The following CCDC181 variants were observed in gnomAD, a reference collection of about 807,000 sequenced individuals.
The protein encoded by CCDC181 is coiled-coil domain-containing protein 181.
Under a neutral mutation model 58.7 loss-of-function variants are expected in CCDC181, and 35 were observed. The observed-to-expected ratio is 0.60, with a 90% CI of 0.46 to 0.79. The LOEUF (loss-of-function observed/expected upper bound fraction) is 0.79, where lower values mean the gene tolerates loss of function less well. Among genes scored for constraint, CCDC181 ranks in the 30% least tolerant of loss-of-function variants. The pLI, the probability that CCDC181 is intolerant of heterozygous loss-of-function variation, is 0.00. For synonymous variants in CCDC181, 183 were observed against 197.5 expected (o/e 0.93, Z 0.62); for missense variants, 517 against 583.9 (o/e 0.89, Z 1.18).
At chr1:169,431,036 A>G (rs1345440964), upstream of CCDC181, among the ~76,000 whole-genome samples, 1 of 152,208 alleles carries the variant, frequency 6.6e-6, no homozygotes, top group African/African-American at 2.4e-5. Flanking sequence ...GGATTTGCCA[A>G]GGAAGTAGCC....
rs186925891 is a variant in CCDC181, at chr1:169,445,731, G to A, written c.-24+14066C>T. Among the ~76,000 whole-genome samples the A allele has an allele frequency of 2.2e-3, 340 of 152,162 alleles. 4 individuals are homozygous for A. The highest frequency in any genetic ancestry group is 2.9e-3 in the Non-Finnish European group (194 of 67,996). On this transcript the variant is annotated intron_variant, in intron 2 of 6. Transcript: ENST00000545005. ...GTATCATTTCTTGCTTAAATATTTG[G>A]TACATTTCACCAGTGAAACAATCTG...
intron 4 of CCDC181, among the ~76,000 whole-genome samples, chr1:169,405,142 G>A (rs1469463294): frequency 6.6e-6 from 1 of 152,130 alleles, no homozygotes; most frequent in East Asian, 1.9e-4. Flanking sequence ...ACAAACCACT[G>A]CTCAATGAAA....
At chr1:169,452,595 A>G (rs1266828221) in intron 2 of CCDC181, 2 of 152,092 alleles carry the variant, frequency 1.3e-5, no homozygotes, top group Non-Finnish European at 2.9e-5. Context: ...GAGGGGTCCT[A>G]ACAATGTATT....
Position 169,403,379 on chromosome 1 carries a change from A to G in CCDC181, c.1216-5988T>C, listed in dbSNP as rs531555867. 7.2e-5 allele frequency among the ~76,000 whole-genome samples: 11 copies of G among 152,362 alleles called. No individual in the cohort carries two copies. In the South Asian group the frequency reaches 2.3e-3, roughly 32 times the overall value. On this transcript the variant is annotated intron_variant, in intron 4 of 5. Coordinates refer to ENST00000367806, the MANE Select transcript of CCDC181 (RefSeq NM_001300969.2). Reference sequence around the variant, plus strand: ...TACATTCTTCTCAGCACCACATCACACTTATTCCAAAATTGACCACATAGG... The same window carrying G: ...TACATTCTTCTCAGCACCACATCACGCTTATTCCAAAATTGACCACATAGG...
chr1:169,413,701 G>A (rs532301778), intron 4 of CCDC181, among the ~76,000 whole-genome samples: 1 of 152,162 alleles, frequency 6.6e-6, no homozygotes, highest in Non-Finnish European at 1.5e-5. Context: ...AAAAAAGGAT[G>A]AGTTCATGTC....
At chr1:169,419,324 A>T (rs1656360327) in intron 3 of CCDC181, among the ~76,000 whole-genome samples, 165 bp from the exon 4 acceptor site, 1 of 152,192 alleles carries the variant, frequency 6.6e-6, no homozygotes, top group East Asian at 1.9e-4. Flanking sequence ...TCATGCCTGT[A>T]ATCCCAGCAC....
chr1:169,421,618 ATCT>A lies in CCDC181; in HGVS notation c.810_812del (p.Glu270del). The A allele has an allele frequency of 6.2e-7, 1 of 1,614,070 alleles. No homozygotes were observed. Among genetic ancestry groups the A allele is most frequent in the Non-Finnish European group, 8.5e-7 (1 of 1,179,994 alleles). ...TGACAGCATGAATCTTTGCTGTAGA[ATCT>A]TCTTTCTTGGTGCCACTGACAGAGG... is the stretch of plus-strand genomic sequence containing the variant. On this transcript the variant is annotated inframe_deletion, in exon 3 of 6. Transcript: ENST00000367806.
At chr1:169,442,668 G>A (rs1657264473) in intron 2 of CCDC181, 1 of 152,026 alleles carries the variant, frequency 6.6e-6, no homozygotes, top group Admixed American at 6.5e-5. Flanking sequence ...TTTGAAATGG[G>A]TACATTGACA....
intron 2 of CCDC181, among the ~76,000 whole-genome samples, chr1:169,439,579 T>C (rs964217729): frequency 1.3e-5 from 2 of 152,098 alleles, no homozygotes; most frequent in Admixed American, 1.3e-4. Flanking sequence ...GGACTCACAG[T>C]AGCATCTCGG....
At position 169,422,364 on chromosome 1, in the gene CCDC181, A is replaced by G. The variant is rs747131726; in HGVS notation, c.118-51T>C. The stretch of plus-strand genomic sequence containing the variant: ...AAATTGAGATTCTTCATTTATAAGT[A>G]GACATACAAAATGGGATTTTTCCTG... On this transcript the variant is annotated intron_variant, in intron 2 of 5. Coordinates refer to ENST00000367806, the MANE Select transcript of CCDC181 (RefSeq NM_001300969.2). 2.3e-6 allele frequency: 3 copies of G among 1,317,922 alleles called. No individual in the cohort carries two copies. The South Asian group carries it at 5.2e-5, about 23-fold the overall frequency. The allele number at this position is 1,317,922 out of a possible 1,614,324, so 81.6% of individuals were successfully genotyped here.
upstream of CCDC181, among the ~76,000 whole-genome samples, chr1:169,429,355 T>C (rs1656841619): frequency 6.6e-6 from 1 of 152,204 alleles, no homozygotes; most frequent in Non-Finnish European, 1.5e-5. Flanking sequence ...AGATCTACTT[T>C]TAGTTCTTTA....
At chr1:169,406,717 A>G (rs1392226630) in intron 4 of CCDC181, among the ~76,000 whole-genome samples, 1 of 152,106 alleles carries the variant, frequency 6.6e-6, no homozygotes, top group Non-Finnish European at 1.5e-5. Flanking sequence ...GCACACCAAC[A>G]TGGCACATGT....
intron 4 of CCDC181, among the ~76,000 whole-genome samples, chr1:169,400,527 TAA>T (rs1485250387): frequency 6.6e-6 from 1 of 152,116 alleles, no homozygotes; most frequent in Non-Finnish European, 1.5e-5. Flanking sequence ...AGATCGATCC[TAA>T]GATGACATAG....
At chr1:169,426,774 C>T (rs948901405) in intron 1 of CCDC181, among the ~76,000 whole-genome samples, 1 of 152,144 alleles carries the variant, frequency 6.6e-6, no homozygotes, top group Non-Finnish European at 1.5e-5. Flanking sequence ...CCATCTGGCC[C>T]ATTATTCCTG....
intron 4 of CCDC181, among the ~76,000 whole-genome samples, chr1:169,400,215 T>C (rs1012126350): frequency 5.3e-5 from 8 of 152,174 alleles, no homozygotes; most frequent in Admixed American, 1.3e-4. Flanking sequence ...GGCCATGCTT[T>C]GGAAATAAGG....
At chr1:169,457,503 C>T (rs1301437680) in intron 2 of CCDC181, among the ~76,000 whole-genome samples, 1 of 152,074 alleles carries the variant, frequency 6.6e-6, no homozygotes, top group Non-Finnish European at 1.5e-5. Flanking sequence ...AAATGATGTA[C>T]TGTATAATCA....
At chr1:169,458,190 T>G (rs200847669) in intron 2 of CCDC181, among the ~76,000 whole-genome samples, 1,445 of 56,256 alleles carry the variant, frequency 0.026, 40 homozygotes, top group African/African-American at 0.06. Context: ...TTTTTTTTTG[T>G]TTTGTTTTTT....
chr1:169,430,951 C>T (rs1221177099), upstream of CCDC181, among the ~76,000 whole-genome samples: 2 of 152,158 alleles, frequency 1.3e-5, no homozygotes, highest in East Asian at 1.9e-4. Flanking sequence ...AAGTTACACT[C>T]CTATGCAAAC....
chr1:169,409,534 A>G (rs1395099738), intron 4 of CCDC181, among the ~76,000 whole-genome samples: 2 of 152,250 alleles, frequency 1.3e-5, no homozygotes, highest in Non-Finnish European at 2.9e-5. Flanking sequence ...TAGGAAATAC[A>G]GAGAACACCA....
Sources: gnomAD v4.1 joint callset for allele counts (sites outside exome capture counted in the v4.1 genomes callset) on GRCh38, gnomAD v4.1.1 for gene constraint, MANE v1.5 for transcripts, NCBI Gene and HGNC (gene_info 2026-07-23, HGNC 2026-07-21) for gene names.